Variants in WIPF1 observed in about 807,000 individuals in gnomAD.
WIPF1 encodes the protein WAS/WASL-interacting protein family member 1.
A neutral mutation model predicts 35.4 loss-of-function variants in WIPF1; 13 were observed. That is an observed-to-expected ratio of 0.37 (90% CI 0.24 to 0.58). The LOEUF (loss-of-function observed/expected upper bound fraction) is 0.58, where lower values mean the gene tolerates loss of function less well. WIPF1 is among the 20% of genes least tolerant of loss of function. The probability of loss-of-function intolerance (pLI) is 0.74; values close to 1 mark genes in which losing one functional copy is unlikely to be tolerated. For synonymous variants in WIPF1, 267 were observed against 266.3 expected (o/e 1.00, Z -0.02); for missense variants, 591 against 667.0 (o/e 0.89, Z 1.25).
chr2:174,583,983 C>A (rs1335659812), intron 2 of WIPF1, among the ~76,000 whole-genome samples: 1 of 152,080 alleles, frequency 6.6e-6, no homozygotes, highest in Non-Finnish European at 1.5e-5. Context: ...CCATGTCTGG[C>A]TGGCTAATTT....
Position 174,571,826 on chromosome 2 carries a change from C to G in WIPF1, c.979G>C (p.Gly327Arg). The change falls in exon 5 of 8, where the codon GGC becomes CGC. Residue 327 changes from glycine to arginine, a missense_variant. Physicochemically the swap from Gly to Arg is moderately radical, Grantham distance 125 (BLOSUM62 -2). This residue lies in a region of WIPF1 where 471 missense variants were observed against 501.1 expected (regional missense o/e 0.94). Transcript: ENST00000679041. The surrounding 1 kb of genome is among the most constrained non-coding windows in gnomAD (Gnocchi z 4.6). ...GGGAGTCTTGGGGTTTCGTCATTGC[C>G]GCTGGAACTTGGAGGCAGAGGAGGC... is the stretch of plus-strand genomic sequence containing the variant. ...GPPPLPPSSS[G>R]NDETPRLPQR... 6.2e-7 allele frequency: 1 copy of G among 1,614,140 alleles called. No individual in the cohort carries two copies. Among genetic ancestry groups the G allele is most frequent in the Non-Finnish European group, 8.5e-7 (1 of 1,180,014 alleles).
At chr2:174,652,534 T>C (rs1158262005) in intron 1 of WIPF1, among the ~76,000 whole-genome samples, 5 of 152,220 alleles carry the variant, frequency 3.3e-5, no homozygotes, top group African/African-American at 7.2e-5. Context: ...TATTTTCCTT[T>C]GGTGATTTTT....
At position 174,586,483 on chromosome 2, in the gene WIPF1, A is replaced by G. The variant is rs1685427593; in HGVS notation, c.-38-872T>C. ...AGACCAGATTCCGTAGCTGGGTAGG[A>G]AAGTTTAGGGACCCCAGGTGGGTGA... On this transcript the variant is annotated intron_variant, in intron 1 of 7. Transcript: ENST00000679041. Among the ~76,000 whole-genome samples, 5 of 152,164 alleles carry G rather than the reference A, an allele frequency of 3.3e-5. No individual in the cohort carries two copies. The South Asian group carries it at 8.3e-4, about 25-fold the overall frequency.
At chr2:174,579,767 G>A (rs919539665) in intron 3 of WIPF1, among the ~76,000 whole-genome samples, 3 of 152,242 alleles carry the variant, frequency 2.0e-5, no homozygotes, top group African/African-American at 7.2e-5. Context: ...CCCTCTTGCA[G>A]TGAGGAGAAC....
intron 1 of WIPF1, among the ~76,000 whole-genome samples, chr2:174,616,088 G>GA (rs35699603): frequency 6.6e-6 from 1 of 151,884 alleles, no homozygotes; most frequent in Non-Finnish European, 1.5e-5. Flanking sequence ...CTGATACCAT[G>GA]AAAAAAAATT....
chr2:174,572,198 A>G lies in WIPF1; in HGVS notation c.607T>C (p.Ser203Pro). 1 of 1,613,772 alleles carries G rather than the reference A, an allele frequency of 6.2e-7. No individual in the cohort carries two copies. The highest frequency in any genetic ancestry group is 8.5e-7 in the Non-Finnish European group (1 of 1,179,914). ...PIQSSPHNRGSPPVPGGPRQP... is the reference protein window; with the variant it reads ...PIQSSPHNRGPPPVPGGPRQP... The stretch of plus-strand genomic sequence containing the variant: ...CTGGGGCCTCCGGGCACTGGTGGGG[A>G]CCCCCGGTTGTGCGGACTTGATTGA... Residue 203 changes from serine (S) to proline (P), a missense_variant, in exon 5 of 8, where the codon TCC (serine) becomes CCC (proline). Around this residue, in one of 3 missense-constraint regions of WIPF1, gnomAD observed 471 missense variants for 501.1 expected, o/e 0.94. Coordinates refer to ENST00000679041, the MANE Select transcript of WIPF1 (RefSeq NM_001375834.1).
At chr2:174,654,400 C>T (rs1045229749) in intron 1 of WIPF1, among the ~76,000 whole-genome samples, 5 of 152,106 alleles carry the variant, frequency 3.3e-5, no homozygotes, top group Non-Finnish European at 5.9e-5. Flanking sequence ...ATTAACTGCT[C>T]AGTTTCTTTT....
intron 1 of WIPF1, among the ~76,000 whole-genome samples, chr2:174,655,178 T>C (rs1277406376): frequency 1.3e-5 from 2 of 151,810 alleles, no homozygotes; most frequent in Non-Finnish European, 2.9e-5. Flanking sequence ...ACCCCCATAA[T>C]CCCCAACACT....
rs112638262 is a variant in WIPF1 at position 174,650,347 on chromosome 2, G to A, written c.-39+32427C>T. Among the ~76,000 whole-genome samples, 16 of 152,266 alleles carry A rather than the reference G, an allele frequency of 1.1e-4. 3 individuals carry two copies. The highest frequency in any genetic ancestry group is 3.9e-4 in the African/African-American group (16 of 41,542). Reference sequence around the variant, plus strand: ...GAGGAATCCCTCATTCTCAAAATCTGCAGTTTAGTTTGACAGTTTTATAAA... The same window carrying A: ...GAGGAATCCCTCATTCTCAAAATCTACAGTTTAGTTTGACAGTTTTATAAA... On this transcript the variant is annotated intron_variant, in intron 1 of 8. Transcript: ENST00000272746.
At chr2:174,626,554 TC>T (rs1473303173) in intron 1 of WIPF1, among the ~76,000 whole-genome samples, 1 of 152,110 alleles carries the variant, frequency 6.6e-6, no homozygotes, top group Non-Finnish European at 1.5e-5. Flanking sequence ...TCTTAGTATC[TC>T]CCCTCCACCC....
chr2:174,574,075 A>C (rs964043435), intron 4 of WIPF1, among the ~76,000 whole-genome samples: 7 of 151,352 alleles, frequency 4.6e-5, no homozygotes, highest in Middle Eastern at 6.8e-3. Flanking sequence ...TTTTTTTAGT[A>C]GAGACAGGAT....
intron 1 of WIPF1, among the ~76,000 whole-genome samples, chr2:174,647,196 A>C (rs1269305372): frequency 2.0e-5 from 3 of 151,980 alleles, no homozygotes; most frequent in Non-Finnish European, 4.4e-5. Context: ...GCAGAGCGAC[A>C]TCCTGTCTCC....
At chr2:174,653,828 G>A (rs985210621) in intron 1 of WIPF1, among the ~76,000 whole-genome samples, 1 of 151,834 alleles carries the variant, frequency 6.6e-6, no homozygotes, top group Non-Finnish European at 1.5e-5. Flanking sequence ...AAGAAAGTTC[G>A]GGTCTCAGTC....
intron 1 of WIPF1, chr2:174,682,680 C>G (rs569131766): frequency 6.6e-6 from 1 of 151,758 alleles, no homozygotes; most frequent in Non-Finnish European, 1.5e-5. Context: ...GCGGCACTTC[C>G]GTGCCCCGCC....
chr2:174,576,288 C>T (rs1008272030), intron 3 of WIPF1, among the ~76,000 whole-genome samples: 1 of 149,282 alleles, frequency 6.7e-6, no homozygotes, highest in Admixed American at 6.6e-5. Context: ...TACTTTTTCC[C>T]ATCAGTATTT....
At chr2:174,666,418 T>C (rs78354894) in intron 1 of WIPF1, among the ~76,000 whole-genome samples, 11,230 of 152,224 alleles carry the variant, frequency 0.074, 1,382 homozygotes, top group African/African-American at 0.25. Context: ...CTGTCTTGGG[T>C]CCTTTTGATG....
intron 1 of WIPF1, among the ~76,000 whole-genome samples, chr2:174,668,422 G>A (rs559846890): frequency 7.2e-5 from 11 of 152,226 alleles, no homozygotes; most frequent in Admixed American, 2.0e-4. Flanking sequence ...AAAAGGGTGT[G>A]CATTTTTCAG....
rs1687485367 is a variant in WIPF1 at position 174,649,382 on chromosome 2, T to C, written c.-39+33392A>G. On this transcript the variant is annotated intron_variant, in intron 1 of 8. Coordinates refer to the WIPF1 transcript ENST00000272746. ...GATAACAAGGGTTCAGTCAGGAAAA[T>C]GCTTTTGATATGCAAACTAATCAAT... 2.6e-5 allele frequency among the ~76,000 whole-genome samples: 4 copies of C among 152,138 alleles called. 1 individual carries two copies. In the South Asian group the frequency reaches 8.3e-4, roughly 32 times the overall value.
rs766726394 is a variant in WIPF1, at chr2:174,575,272, G to C, written c.290C>G (p.Pro97Arg). The change falls in exon 4 of 8, where the codon CCT becomes CGT. Residue 97 changes from proline to arginine, a missense_variant. Physicochemically the swap from Pro to Arg is moderately radical, Grantham distance 103. Transcript: ENST00000679041. ...GGGGSFGGGG[P>R]PGLGGLFQAG... ...CTGGAACAATCCTCCCAGACCTGGA[G>C]GTCCGCCCCCTCCAAAACTTCCACC... 3 of 1,613,890 alleles carry C rather than the reference G, an allele frequency of 1.9e-6. No homozygotes were observed. Among genetic ancestry groups the C allele is most frequent in the Non-Finnish European group, 2.5e-6 (3 of 1,179,926 alleles).
Sources: allele counts gnomAD v4.1 joint callset (sites outside exome capture counted in the v4.1 genomes callset), GRCh38; gene constraint gnomAD v4.1.1; regional missense constraint gnomAD v4.1.1; non-coding constraint Gnocchi (gnomAD v3.1); transcripts MANE v1.5; gene names NCBI Gene and HGNC (gene_info 2026-07-23, HGNC 2026-07-21).